Variants in WIPF1 observed in about 807,000 individuals in gnomAD.
WIPF1 encodes WAS/WASL-interacting protein family member 1.
In WIPF1, 13 loss-of-function variants were observed where a neutral mutation model predicts 35.4. That is an observed-to-expected ratio of 0.37 (90% CI 0.24 to 0.58). The LOEUF (loss-of-function observed/expected upper bound fraction) is 0.58, where lower values mean the gene tolerates loss of function less well. Ranked by LOEUF, WIPF1 falls within the 20% of genes least tolerant of loss-of-function variation. The probability of loss-of-function intolerance (pLI) is 0.74; values close to 1 mark genes in which losing one functional copy is unlikely to be tolerated. For synonymous variants in WIPF1, 267 were observed against 266.3 expected, an observed-to-expected ratio of 1.00 and a Z score of -0.02; for missense variants, 591 against 667.0, an observed-to-expected ratio of 0.89 and a Z score of 1.25.
intron 7 of WIPF1, among the ~76,000 whole-genome samples, chr2:174,563,719 ATGT>A (rs1684557761): frequency 6.6e-6 from 1 of 152,218 alleles, no homozygotes; most frequent in Non-Finnish European, 1.5e-5. Flanking sequence ...AGGTGCTCAG[ATGT>A]TGTGAACAGG....
chr2:174,605,124 A>G (rs939410081), intron 1 of WIPF1, among the ~76,000 whole-genome samples: 1 of 152,210 alleles, frequency 6.6e-6, no homozygotes, highest in East Asian at 1.9e-4. Flanking sequence ...CCTGAGACTC[A>G]AGAGGTACAG....
intron 1 of WIPF1, among the ~76,000 whole-genome samples, chr2:174,593,824 C>T (rs1652733496): frequency 6.6e-6 from 1 of 152,330 alleles, no homozygotes; most frequent in Admixed American, 6.5e-5. Flanking sequence ...CTTTCAATAC[C>T]TTTGCAGAAA....
Position 174,635,110 on chromosome 2 carries a change from G to A in WIPF1, c.-39+47664C>T, listed in dbSNP as rs555263873. On this transcript the variant is annotated intron_variant, in intron 1 of 8. Transcript: ENST00000272746. ...ATTTCTGGATCCTGCAGCAACCATG[G>A]CTACACACCCTGAATTTCCTGGGAC... Among the ~76,000 whole-genome samples, 5 of 152,262 alleles carry A rather than the reference G, an allele frequency of 3.3e-5. No homozygotes were observed. The South Asian group carries it at 1.0e-3, about 32-fold the overall frequency.
In WIPF1 at chr2:174,567,938, C is replaced by T. The variant is rs1213227022; in HGVS notation, c.1265G>A (p.Arg422Lys). The change falls in exon 6 of 8, where the codon AGG (arginine) becomes AAG (lysine). Residue 422 changes from arginine (R) to lysine (K), a missense_variant. By Grantham distance (26) the Arg-to-Lys change is conservative (BLOSUM62 2). This residue lies in a region of WIPF1 where 117 missense variants were observed against 149.6 expected (regional missense o/e 0.78). Coordinates refer to ENST00000679041, the MANE Select transcript of WIPF1 (RefSeq NM_001375834.1). ...TGGGGGAGGTGCCCCAGCACTGGGCCTATCAGGAGGAAGGGGAGGCCTGGG... is the reference window on the plus strand; with the variant it reads ...TGGGGGAGGTGCCCCAGCACTGGGCTTATCAGGAGGAAGGGGAGGCCTGGG... ...SGPRPPLPPD[R>K]PSAGAPPPPP... 1 of 1,614,096 alleles carries T rather than the reference C, an allele frequency of 6.2e-7. No individual in the cohort carries two copies. The highest frequency in any genetic ancestry group is 8.5e-7 in the Non-Finnish European group (1 of 1,179,994).
chr2:174,607,687 C>A (rs1432526628), intron 1 of WIPF1, among the ~76,000 whole-genome samples: 1 of 152,046 alleles, frequency 6.6e-6, no homozygotes, highest in African/African-American at 2.4e-5. Context: ...GCTTGCTGTC[C>A]CCTCTTCTGA....
chr2:174,576,306 T>C (rs1444563918), intron 3 of WIPF1, among the ~76,000 whole-genome samples: 3 of 152,076 alleles, frequency 2.0e-5, no homozygotes, highest in Non-Finnish European at 4.4e-5. Context: ...TTTTTCATTT[T>C]ATGTGTTTTT....
chr2:174,580,940 G>A (rs989672021), intron 3 of WIPF1, among the ~76,000 whole-genome samples: 6 of 152,198 alleles, frequency 3.9e-5, no homozygotes, highest in Non-Finnish European at 8.8e-5. Flanking sequence ...GGTACAGGAT[G>A]GATGTGCCAG....
chr2:174,641,732 C>G (rs2105948112), intron 1 of WIPF1, among the ~76,000 whole-genome samples: 1 of 152,312 alleles, frequency 6.6e-6, no homozygotes, highest in South Asian at 2.1e-4. Context: ...TCACCAGTAC[C>G]CAGGAGGGAC....
At chr2:174,589,933 T>G (rs1461890413) in intron 1 of WIPF1, among the ~76,000 whole-genome samples, 2 of 152,226 alleles carry the variant, frequency 1.3e-5, no homozygotes, top group Non-Finnish European at 2.9e-5. Context: ...AAAGGGTCCC[T>G]TTGGGACTGG....
At chr2:174,653,240 A>C (rs1687569702) in intron 1 of WIPF1, among the ~76,000 whole-genome samples, 1 of 152,136 alleles carries the variant, frequency 6.6e-6, no homozygotes, top group Non-Finnish European at 1.5e-5. Flanking sequence ...CCATGTTAGA[A>C]TATGGTGCTC....
chr2:174,667,112 A>C (rs1356353565), intron 1 of WIPF1, among the ~76,000 whole-genome samples: 1 of 152,138 alleles, frequency 6.6e-6, no homozygotes, highest in East Asian at 1.9e-4. Context: ...CCTTCTCTGG[A>C]CTTGAAAAGA....
At chr2:174,635,451 G>C (rs547123115) in intron 1 of WIPF1, among the ~76,000 whole-genome samples, 2 of 151,970 alleles carry the variant, frequency 1.3e-5, no homozygotes, top group East Asian at 3.9e-4. Flanking sequence ...CTGGAGGAGA[G>C]CTGGAGCAGG....
At chr2:174,580,555 G>A (rs1393869878) in intron 3 of WIPF1, among the ~76,000 whole-genome samples, 1 of 152,228 alleles carries the variant, frequency 6.6e-6, no homozygotes, top group Non-Finnish European at 1.5e-5. Context: ...GGGATCTGTA[G>A]TCTAGGATGA....
intron 3 of WIPF1, among the ~76,000 whole-genome samples, chr2:174,579,596 A>T (rs1685171978): frequency 6.6e-6 from 1 of 152,258 alleles, no homozygotes; most frequent in Non-Finnish European, 1.5e-5. Context: ...CCTTCCATCA[A>T]GGAAAGCACA....
At chr2:174,574,237 A>C (rs1200154967) in intron 4 of WIPF1, among the ~76,000 whole-genome samples, 1 of 151,826 alleles carries the variant, frequency 6.6e-6, no homozygotes, top group East Asian at 1.9e-4. Context: ...TAATTTCTTC[A>C]CCTGTTGTTA....
intron 1 of WIPF1, among the ~76,000 whole-genome samples, chr2:174,682,021 G>T (rs1688257561): frequency 6.6e-6 from 1 of 152,220 alleles, no homozygotes; most frequent in Admixed American, 6.5e-5. Flanking sequence ...CACTCACAAC[G>T]CTAACAGTTC....
chr2:174,593,836 G>T (rs929386941), intron 1 of WIPF1, among the ~76,000 whole-genome samples: 1 of 152,164 alleles, frequency 6.6e-6, no homozygotes, highest in African/African-American at 2.4e-5. Flanking sequence ...TTGCAGAAAG[G>T]TTCGTTTCTA....
chr2:174,651,481 T>C (rs992742569), intron 1 of WIPF1, among the ~76,000 whole-genome samples: 1 of 152,204 alleles, frequency 6.6e-6, no homozygotes, highest in Non-Finnish European at 1.5e-5. Flanking sequence ...CACTATAAAA[T>C]TGCAGCAGAG....
intron 3 of WIPF1, among the ~76,000 whole-genome samples, chr2:174,575,661 G>A (rs1256682883): frequency 2.6e-5 from 4 of 152,264 alleles, no homozygotes; most frequent in East Asian, 1.9e-4. Flanking sequence ...TGTTTGTTCC[G>A]TATCCTAAGA....
Sources: gnomAD v4.1 joint callset for allele counts (sites outside exome capture counted in the v4.1 genomes callset) on GRCh38, gnomAD v4.1.1 for gene constraint, gnomAD v4.1.1 regional missense constraint, MANE v1.5 for transcripts, NCBI Gene and HGNC (gene_info 2026-07-23, HGNC 2026-07-21) for gene names.